The following CALU variants were observed in gnomAD, a reference collection of about 807,000 sequenced individuals.
CALU encodes IEF SSP 9302.
In CALU, 13 loss-of-function variants were observed where a neutral mutation model predicts 37.5. The observed-to-expected ratio is 0.35, with a 90% CI of 0.23 to 0.55. The LOEUF (loss-of-function observed/expected upper bound fraction) is 0.55. CALU is among the 20% of genes least tolerant of loss of function. The probability of loss-of-function intolerance (pLI) is 0.89; values close to 1 mark genes in which losing one functional copy is unlikely to be tolerated. For missense variants in CALU, 282 were observed against 391.7 expected (o/e 0.72, Z 2.36); for synonymous variants, 114 against 133.8 (o/e 0.85, Z 1.02).
intron 2 of CALU, among the ~76,000 whole-genome samples, chr7:128,750,905 G>T (rs1043980359): frequency 6.6e-6 from 1 of 152,096 alleles, no homozygotes; most frequent in Non-Finnish European, 1.5e-5. Context: ...CAAGTTTCAG[G>T]TATTTTTTCT....
Position 128,769,589 on chromosome 7 carries a change from GGA to G in CALU, c.*428_*429del, listed in dbSNP as rs1801478903. 1 of 153,240 alleles carries G rather than the reference GGA, an allele frequency of 6.5e-6. No homozygotes were observed. Among genetic ancestry groups the G allele is most frequent in the South Asian group, 2.1e-4 (1 of 4,876 alleles). The allele number at this position is 153,240 out of a possible 1,614,324, so 9.5% of individuals were successfully genotyped here. A position where few individuals can be genotyped will look rare whatever the true frequency, so the allele number is the denominator to read the frequency against. ...GCCTGAGATCAATAAGAAATGTTCA[GGA>G]GAGAGGAAAGAAAAAAAATATATGC... On this transcript the variant is annotated 3_prime_UTR_variant, in exon 7 of 7. Transcript: ENST00000249364.
chr7:128,747,129 C>T (rs1800477540), intron 1 of CALU, among the ~76,000 whole-genome samples: 1 of 137,330 alleles, frequency 7.3e-6, no homozygotes, highest in African/African-American at 2.5e-5. Context: ...TACCAATTCT[C>T]TGTTTTTATT....
At chr7:128,742,370 A>T (rs1800271545) in intron 1 of CALU, among the ~76,000 whole-genome samples, 1 of 152,212 alleles carries the variant, frequency 6.6e-6, no homozygotes, top group East Asian at 1.9e-4. Context: ...TCTGGTGAAT[A>T]TCCATCCAGC....
At chr7:128,754,518 T>G in intron 3 of CALU, 63 bp downstream of exon 3, 2 of 1,586,798 alleles carry the variant, frequency 1.3e-6, no homozygotes, top group Middle Eastern at 1.7e-4. Context: ...CGTAACTGTT[T>G]TGTCTTGTAG....
chr7:128,741,004 G>C (rs12536800), intron 1 of CALU, among the ~76,000 whole-genome samples: 30,729 of 152,172 alleles, frequency 0.2, 3,547 homozygotes, highest in Non-Finnish European at 0.27. Flanking sequence ...AAGTAGCTGA[G>C]ACTAGAGGTA....
intron 1 of CALU, among the ~76,000 whole-genome samples, chr7:128,746,495 C>T (rs1800444710): frequency 1.3e-5 from 2 of 151,526 alleles, no homozygotes. Context: ...TCTCTGTCAC[C>T]CACGCTGGAG....
chr7:128,743,476 CTTT>C (rs895070178), intron 1 of CALU, among the ~76,000 whole-genome samples: 1 of 150,896 alleles, frequency 6.6e-6, no homozygotes, highest in African/African-American at 2.4e-5. Context: ...TTCCTCTAAA[CTTT>C]TTTTTTACTT....
chr7:128,757,881 T>C (rs1413282748), intron 3 of CALU, among the ~76,000 whole-genome samples: 1 of 151,548 alleles, frequency 6.6e-6, no homozygotes, highest in East Asian at 2.0e-4. Context: ...AGATGGGTAG[T>C]TCCAAATTCA....
chr7:128,746,570 C>T (rs1800448750), intron 1 of CALU, among the ~76,000 whole-genome samples: 1 of 152,104 alleles, frequency 6.6e-6, no homozygotes, highest in African/African-American at 2.4e-5. Flanking sequence ...CCTCCCACCT[C>T]AGCCTCCTGA....
Position 128,773,229 on chromosome 7 carries a change from A to T in CALU, c.*4062A>T, listed in dbSNP as rs968015469. ...AAAGTTGGAAGGGAAATGATTAAGA[A>T]ATTATTAAATGCAAGGACTGAAAAT... On this transcript the variant is annotated 3_prime_UTR_variant, in exon 7 of 7. Coordinates refer to ENST00000249364, the MANE Select transcript of CALU (RefSeq NM_001219.5). Among the ~76,000 whole-genome samples, 1 of 152,236 alleles carries T rather than the reference A, an allele frequency of 6.6e-6. No homozygotes were observed. Among genetic ancestry groups the T allele is most frequent in the Non-Finnish European group, 1.5e-5 (1 of 68,046 alleles).
intron 2 of CALU, among the ~76,000 whole-genome samples, chr7:128,749,463 G>A (rs1204059263): frequency 4.6e-5 from 7 of 152,016 alleles, no homozygotes; most frequent in Admixed American, 4.6e-4. Flanking sequence ...TTCTAATTGG[G>A]GATCTGAGAA....
Position 128,769,108 on chromosome 7 carries a change from T to C in CALU, c.889T>C (p.Phe297Leu), listed in dbSNP as rs1332546485. 1 of 1,613,608 alleles carries C rather than the reference T, an allele frequency of 6.2e-7. No individual in the cohort carries two copies. The highest frequency in any genetic ancestry group is 8.5e-7 in the Non-Finnish European group (1 of 1,179,552). ...GGAGATCGTTGACAAGTATGACTTA[T>C]TTGTTGGCAGCCAGGCCACAGATTT... is the stretch of plus-strand genomic sequence containing the variant. ...KEEIVDKYDLFVGSQATDFGE... is the reference protein window; with the variant it reads ...KEEIVDKYDLLVGSQATDFGE... The change falls in exon 7 of 7, where the codon TTT (phenylalanine) becomes CTT (leucine). Residue 297 changes from phenylalanine (F) to leucine (L), a missense_variant. Phe to Leu is a conservative substitution (Grantham distance 22). Coordinates refer to ENST00000249364, the MANE Select transcript of CALU (RefSeq NM_001219.5).
chr7:128,770,957 A>T lies in CALU; in HGVS notation c.*1790A>T, dbSNP rs1381863315. Reference sequence around the variant, plus strand: ...CCTGGTATGGTAAAAAGCCAGGTATAATGTAACTTCACCCCAGCCTTTGTA... The same window carrying T: ...CCTGGTATGGTAAAAAGCCAGGTATTATGTAACTTCACCCCAGCCTTTGTA... On this transcript the variant is annotated 3_prime_UTR_variant, in exon 7 of 7. Coordinates refer to ENST00000249364, the MANE Select transcript of CALU (RefSeq NM_001219.5). 6.6e-6 allele frequency: 1 copy of T among 152,604 alleles called. No individual in the cohort carries two copies. Among genetic ancestry groups the T allele is most frequent in the Non-Finnish European group, 1.5e-5 (1 of 68,042 alleles). 9.5% of individuals were successfully genotyped at this position (152,604 alleles called of 1,614,324 possible).
chr7:128,749,295 A>G (rs959896158), intron 2 of CALU, among the ~76,000 whole-genome samples: 1 of 152,244 alleles, frequency 6.6e-6, no homozygotes, highest in African/African-American at 2.4e-5. Flanking sequence ...ATTAAAAAAC[A>G]AAAATCAAAC....
chr7:128,772,727 C>A lies in CALU; in HGVS notation c.*3560C>A. The A allele has an allele frequency of 2.5e-6, 4 of 1,600,158 alleles. No homozygotes were observed. Among genetic ancestry groups the A allele is most frequent in the Non-Finnish European group, 3.4e-6 (4 of 1,167,832 alleles). Reference sequence around the variant, plus strand: ...GAAGTATGGGAAAAAAGACCTTATTCTCTGTATCACCAAAGCCTTGCACAA... The same window carrying A: ...GAAGTATGGGAAAAAAGACCTTATTATCTGTATCACCAAAGCCTTGCACAA... On this transcript the variant is annotated 3_prime_UTR_variant, in exon 7 of 7. Transcript: ENST00000249364.
rs1191196988 is a variant in CALU, at chr7:128,769,346, C to G, written c.*179C>G. 2.0e-6 allele frequency: 1 copy of G among 502,050 alleles called. No homozygotes were observed. Among genetic ancestry groups the G allele is most frequent in the Non-Finnish European group, 3.6e-6 (1 of 281,018 alleles). 31.1% of individuals were successfully genotyped at this position (502,050 alleles called of 1,614,324 possible). A position where few individuals can be genotyped will look rare whatever the true frequency, so the allele number is the denominator to read the frequency against. ...TCTGAGGGACTGGAGGGAAGCCGTGCTTCTGAGGAACAACTCTAATTAGTA... is the reference window on the plus strand; with the variant it reads ...TCTGAGGGACTGGAGGGAAGCCGTGGTTCTGAGGAACAACTCTAATTAGTA... On this transcript the variant is annotated 3_prime_UTR_variant, in exon 7 of 7. Coordinates refer to ENST00000249364, the MANE Select transcript of CALU (RefSeq NM_001219.5).
chr7:128,763,485 C>T (rs1168340301), intron 5 of CALU, among the ~76,000 whole-genome samples: 3 of 151,974 alleles, frequency 2.0e-5, no homozygotes, highest in Non-Finnish European at 4.4e-5. Context: ...GAGCCGAGAT[C>T]GCGCCACTGC....
intron 3 of CALU, among the ~76,000 whole-genome samples, chr7:128,757,906 T>TA (rs1474743564): frequency 3.9e-5 from 5 of 128,980 alleles, no homozygotes; most frequent in Non-Finnish European, 7.2e-5. Flanking sequence ...GGTTGTAATC[T>TA]AAGGGTTTTT....
intron 1 of CALU, 182 bp from the exon 2 acceptor site, chr7:128,748,391 T>G (rs1243522196): frequency 6.8e-7 from 1 of 1,471,074 alleles, no homozygotes; most frequent in Non-Finnish European, 9.1e-7. Flanking sequence ...ACTGTAATAA[T>G]TGAAGAGTCT....
Sources: allele counts gnomAD v4.1 joint callset (sites outside exome capture counted in the v4.1 genomes callset), GRCh38; gene constraint gnomAD v4.1.1; transcripts MANE v1.5; gene names NCBI Gene and HGNC (gene_info 2026-07-23, HGNC 2026-07-21).